The following CREBBP variants were observed in gnomAD, a reference collection of about 807,000 sequenced individuals.
CREBBP encodes the protein CREB-binding protein.
CREBBP carries 19 observed loss-of-function variants against 265.0 expected under a neutral mutation model. That is an observed-to-expected ratio of 0.07 (90% confidence interval 0.05 to 0.11). CREBBP has a LOEUF of 0.11. CREBBP is among the 10% of genes least tolerant of loss of function. CREBBP has a pLI of 1.00. For synonymous variants in CREBBP, 1,457 were observed against 1,223.7 expected, an observed-to-expected ratio of 1.19 and a Z score of -3.98; for missense variants, 2,525 against 3,219.0, an observed-to-expected ratio of 0.78 and a Z score of 5.22.
chr16:3,744,261 G>A (rs1248231736), intron 23 of CREBBP, among the ~76,000 whole-genome samples: 1 of 152,126 alleles, frequency 6.6e-6, no homozygotes, highest in Admixed American at 6.5e-5. Flanking sequence ...CCCCACTGTA[G>A]CAGAAGCCAG....
intron 26 of CREBBP, among the ~76,000 whole-genome samples, chr16:3,737,456 T>C: frequency 8.0e-6 from 1 of 125,342 alleles, no homozygotes; most frequent in East Asian, 2.0e-4. Context: ...TTCTTTTTTC[T>C]TTTTTTTTTT....
rs2151310982 is a variant in CREBBP, at chr16:3,729,630, T to C, written c.5417A>G (p.Lys1806Arg). 6.2e-7 allele frequency: 1 copy of C among 1,614,094 alleles called. No homozygotes were observed. Among genetic ancestry groups the C allele is most frequent in the Non-Finnish European group, 8.5e-7 (1 of 1,180,014 alleles). ...CCCGTTGGTCTTGCGTTTGCAGCCC[T>C]TGGTGTGCTGCACCACCCGCTTCAT... Reference protein sequence around the residue: ...QKMKRVVQHTKGCKRKTNGGC... With the variant: ...QKMKRVVQHTRGCKRKTNGGC... The change falls in exon 31 of 31, where the codon AAG becomes AGG. Residue 1806 changes from lysine to arginine, a missense_variant. Physicochemically the swap from Lys to Arg is conservative, Grantham distance 26 (BLOSUM62 2). Transcript: ENST00000262367.
chr16:3,733,433 C>T (rs1388644399), intron 28 of CREBBP, among the ~76,000 whole-genome samples: 4 of 151,784 alleles, frequency 2.6e-5, no homozygotes, highest in Admixed American at 6.6e-5. Flanking sequence ...GTGGGTCCTC[C>T]GCAGGATTCA....
At chr16:3,809,054 T>C (rs1024265144) in intron 3 of CREBBP, among the ~76,000 whole-genome samples, 8 of 152,072 alleles carry the variant, frequency 5.3e-5, no homozygotes, top group Admixed American at 2.6e-4. Flanking sequence ...CAAAAAGTTA[T>C]TGGAAAGAAA....
In CREBBP at chr16:3,728,220, T is replaced by G; in HGVS notation, c.6827A>C (p.Gln2276Pro). ...GGTGCTGTCTGCCCCCAGCCCCGGC[T>G]GCCCCATCTGGCCAAGCTGTCCCAT... ...AQMGQLGQMG[Q>P]PGLGADSTPN... The change falls in exon 31 of 31, where the codon CAG (glutamine) becomes CCG (proline). Residue 2276 changes from glutamine (Q) to proline (P), a missense_variant. Physicochemically the swap from Gln to Pro is moderately conservative, Grantham distance 76. Transcript: ENST00000262367. The surrounding 1 kb of genome is among the most constrained non-coding windows in gnomAD (Gnocchi z 8.7). The G allele has an allele frequency of 1.2e-6, 2 of 1,613,542 alleles. No homozygotes were observed.
chr16:3,835,132 C>T (rs2054419051), intron 2 of CREBBP, among the ~76,000 whole-genome samples: 1 of 152,082 alleles, frequency 6.6e-6, no homozygotes, highest in Non-Finnish European at 1.5e-5. Context: ...GCACTCCGGC[C>T]TGGGCAAAAG....
chr16:3,818,229 T>C (rs1214649919), intron 2 of CREBBP, among the ~76,000 whole-genome samples: 2 of 151,808 alleles, frequency 1.3e-5, no homozygotes, highest in Non-Finnish European at 2.9e-5. Context: ...ACGCAGAACT[T>C]GACCTAGAGT....
chr16:3,739,990 C>G (rs974123507), intron 24 of CREBBP, among the ~76,000 whole-genome samples: 1 of 152,222 alleles, frequency 6.6e-6, no homozygotes, highest in East Asian at 1.9e-4. Context: ...ACAGCAGTCC[C>G]CCTTATCCAC....
chr16:3,838,665 G>A (rs1469970751), intron 2 of CREBBP, among the ~76,000 whole-genome samples: 2 of 152,140 alleles, frequency 1.3e-5, no homozygotes, highest in African/African-American at 4.8e-5. Context: ...TAGGCTTACA[G>A]GCAAGATTTT....
chr16:3,848,617 C>T (rs2054718605), intron 2 of CREBBP, among the ~76,000 whole-genome samples: 1 of 152,022 alleles, frequency 6.6e-6, no homozygotes, highest in Non-Finnish European at 1.5e-5. Context: ...TAAGATTATT[C>T]AGGAGTCTTG....
intron 2 of CREBBP, among the ~76,000 whole-genome samples, chr16:3,839,547 T>C (rs1190955298): frequency 1.3e-5 from 2 of 151,774 alleles, no homozygotes; most frequent in Non-Finnish European, 2.9e-5. Flanking sequence ...CTGGGCATGC[T>C]GGCGCATGCC....
chr16:3,776,669 G>A (rs1407770849), intron 11 of CREBBP, among the ~76,000 whole-genome samples: 1 of 151,902 alleles, frequency 6.6e-6, no homozygotes, highest in East Asian at 1.9e-4. Context: ...CTTCTTTCTC[G>A]GACTCTTCCT....
intron 3 of CREBBP, among the ~76,000 whole-genome samples, chr16:3,802,395 G>A (rs1432608270): frequency 6.6e-6 from 1 of 151,950 alleles, no homozygotes; most frequent in East Asian, 1.9e-4. Context: ...GCCTCCCAAA[G>A]TGCTGGGATT....
At chr16:3,839,399 G>C (rs2054520274) in intron 2 of CREBBP, among the ~76,000 whole-genome samples, 1 of 152,112 alleles carries the variant, frequency 6.6e-6, no homozygotes, top group African/African-American at 2.4e-5. Context: ...AAATTCATAA[G>C]GCTGGGTGAG....
rs369098827 is a variant in CREBBP at position 3,730,431 on chromosome 16, C to A, written c.5173-557G>T. On this transcript the variant is annotated intron_variant, in intron 30 of 30. Transcript: ENST00000262367. ...AGCTATCCGCAGTGCACCAGTGGGA[C>A]TTCCCCAACGCGCAAGCCCAAGTTA... is the stretch of plus-strand genomic sequence containing the variant. 9.9e-5 allele frequency: 16 copies of A among 161,438 alleles called. No homozygotes were observed. The East Asian group carries it at 2.8e-3, about 28-fold the overall frequency. The allele number at this position is 161,438 out of a possible 1,614,324, so 10.0% of individuals were successfully genotyped here.
intron 2 of CREBBP, among the ~76,000 whole-genome samples, chr16:3,834,655 C>T (rs2054406681): frequency 1.3e-5 from 2 of 152,162 alleles, no homozygotes; most frequent in Admixed American, 6.5e-5. Context: ...CAAGAGTGAA[C>T]CCTAGTGTAA....
intron 5 of CREBBP, among the ~76,000 whole-genome samples, chr16:3,787,847 T>C (rs1230012065): frequency 6.6e-6 from 1 of 152,084 alleles, no homozygotes; most frequent in African/African-American, 2.4e-5. Flanking sequence ...AGCTAATTAT[T>C]TGTATTTTAG....
chr16:3,810,163 T>C (rs1247343708), intron 3 of CREBBP, among the ~76,000 whole-genome samples: 1 of 152,226 alleles, frequency 6.6e-6, no homozygotes, highest in Non-Finnish European at 1.5e-5. Flanking sequence ...TCATCTATTG[T>C]GTTGGACGTA....
intron 2 of CREBBP, among the ~76,000 whole-genome samples, chr16:3,846,427 TC>T (rs1670119386): frequency 1.3e-5 from 2 of 152,240 alleles, no homozygotes; most frequent in African/African-American, 4.8e-5. Flanking sequence ...AATCTCAGTA[TC>T]TTTTAATTCA....
Sources: gnomAD v4.1 joint callset for allele counts (sites outside exome capture counted in the v4.1 genomes callset) on GRCh38, gnomAD v4.1.1 for gene constraint, Gnocchi (gnomAD v3.1) non-coding constraint, MANE v1.5 for transcripts, NCBI Gene and HGNC (gene_info 2026-07-23, HGNC 2026-07-21) for gene names.